The following FAIM variants were observed in gnomAD, a reference collection of about 807,000 sequenced individuals.
FAIM encodes Fas apoptotic inhibitory molecule.
A neutral mutation model predicts 21.2 loss-of-function variants in FAIM; 14 were observed. That is an observed-to-expected ratio of 0.66 (90% CI 0.44 to 1.03). The LOEUF (loss-of-function observed/expected upper bound fraction) is 1.03, where lower values mean the gene tolerates loss of function less well. Ranked by LOEUF, FAIM falls within the 50% of genes least tolerant of loss-of-function variation. The pLI, the probability that FAIM is intolerant of heterozygous loss-of-function variation, is 0.00. For synonymous variants in FAIM, 86 were observed against 80.4 expected (o/e 1.07, Z -0.37); for missense variants, 222 against 247.1 (o/e 0.90, Z 0.68).
chr3:138,630,363 G>A (rs1025726939), intron 5 of FAIM: 3 of 152,168 alleles, frequency 2.0e-5, no homozygotes, highest in African/African-American at 4.8e-5. Context: ...CAGGTCTGTA[G>A]TGGCTTCCTA....
chr3:138,630,022 C>T (rs1440210355), intron 5 of FAIM: 1 of 151,992 alleles, frequency 6.6e-6, no homozygotes, highest in Non-Finnish European at 1.5e-5. Flanking sequence ...GGTGGTAATC[C>T]CCATGTCTTA....
At chr3:138,618,815 G>T (rs1310631041) in intron 1 of FAIM, among the ~76,000 whole-genome samples, 1 of 152,170 alleles carries the variant, frequency 6.6e-6, no homozygotes, top group Non-Finnish European at 1.5e-5. Flanking sequence ...GCTAAACTAG[G>T]ATAGATCTTG....
At chr3:138,609,594 C>T (rs1577002295) in intron 1 of FAIM, among the ~76,000 whole-genome samples, 2 of 15,764 alleles carry the variant, frequency 1.3e-4, no homozygotes, top group Non-Finnish European at 2.4e-4. Context: ...TCTCTCTCGA[C>T]TCTCTCTCTC....
chr3:138,631,494 T>G (rs1181552780), intron 5 of FAIM, among the ~76,000 whole-genome samples: 2 of 152,198 alleles, frequency 1.3e-5, no homozygotes, highest in Non-Finnish European at 2.9e-5. Context: ...TTTGTAGTAA[T>G]TAACAGGAAA....
At position 138,626,050 on chromosome 3, in the gene FAIM, G is replaced by A. The variant is rs954675671; in HGVS notation, c.407-3057G>A. ...CACGCTGGAAGGAAATTCTCTTTCT[G>A]TTCTGAAAAGTTTCTCTTTGATAGC... On this transcript the variant is annotated intron_variant, in intron 4 of 5. Coordinates refer to ENST00000360570, the MANE Select transcript of FAIM (RefSeq NM_001033031.2). Among the ~76,000 whole-genome samples, 9 of 152,300 alleles carry A rather than the reference G, an allele frequency of 5.9e-5. No homozygotes were observed. The South Asian group carries it at 1.4e-3, about 25-fold the overall frequency.
chr3:138,626,214 G>C lies in FAIM; in HGVS notation c.407-2893G>C, dbSNP rs80264451. Among the ~76,000 whole-genome samples the C allele has an allele frequency of 3.5e-3, 531 of 152,244 alleles. 2 individuals carry two copies. The highest frequency in any genetic ancestry group is 0.012 in the African/African-American group (508 of 41,544). ...CAACTCCCATGAGTCACTAAATCCAGCACTGAGTCATAATAGATTTGAAAT... is the reference window on the plus strand; with the variant it reads ...CAACTCCCATGAGTCACTAAATCCACCACTGAGTCATAATAGATTTGAAAT... On this transcript the variant is annotated intron_variant, in intron 4 of 5. Coordinates refer to ENST00000360570, the MANE Select transcript of FAIM (RefSeq NM_001033031.2).
At chr3:138,610,876 G>T in intron 1 of FAIM, 3 of 1,218,698 alleles carry the variant, frequency 2.5e-6, no homozygotes, top group East Asian at 2.3e-5. Flanking sequence ...GAGCCATCGC[G>T]CCTGGCCACT....
chr3:138,624,429 AT>A (rs1268604178), intron 4 of FAIM, among the ~76,000 whole-genome samples: 1 of 152,160 alleles, frequency 6.6e-6, no homozygotes, highest in East Asian at 1.9e-4. Context: ...TTTAAAAAAT[AT>A]ATTTTTCTGC....
At chr3:138,629,699 A>G (rs76513567) in intron 5 of FAIM, 2,167 of 152,320 alleles carry the variant, frequency 0.014, 51 homozygotes, top group Middle Eastern at 0.048. Flanking sequence ...TGAGTGATAC[A>G]ATATCAGATG....
intron 1 of FAIM, among the ~76,000 whole-genome samples, chr3:138,614,876 G>A (rs1383798968): frequency 1.3e-5 from 2 of 152,106 alleles, no homozygotes; most frequent in African/African-American, 4.8e-5. Flanking sequence ...AGGAGGTTGA[G>A]GCTGCAGTGA....
At chr3:138,632,294 T>C (rs963164089) in intron 5 of FAIM, among the ~76,000 whole-genome samples, 14 of 151,972 alleles carry the variant, frequency 9.2e-5, no homozygotes, top group African/African-American at 2.9e-4. Context: ...AAAAAGTTAT[T>C]TTATACATTT....
chr3:138,619,765 T>C lies in FAIM; in HGVS notation c.39T>C (p.Asp13=). ...ATGACAGTCCTATCTTTGAAGATGA[T>C]GAAAGGTAAATGTCTTATATTGCAG... The part of the protein sequence containing the change: ...SGDDSPIFED[D]ESPPYSLEKM... Residue 13 remains aspartate (D), a synonymous_variant, in exon 2 of 6, where the codon GAT becomes GAC. Coordinates refer to ENST00000360570, the MANE Select transcript of FAIM (RefSeq NM_001033031.2). 6.2e-7 allele frequency: 1 copy of C among 1,613,532 alleles called. No homozygotes were observed. Among genetic ancestry groups the C allele is most frequent in the Non-Finnish European group, 8.5e-7 (1 of 1,179,672 alleles).
intron 3 of FAIM, 22 bp from the exon 4 acceptor site, chr3:138,622,166 A>C: frequency 6.5e-7 from 1 of 1,538,662 alleles, no homozygotes; most frequent in Non-Finnish European, 8.8e-7. Flanking sequence ...TTTGTTTCAT[A>C]TTTTTCTGTT....
intron 3 of FAIM, 82 bp from the exon 4 acceptor site, chr3:138,622,106 C>A: frequency 8.6e-7 from 1 of 1,156,648 alleles, no homozygotes; most frequent in Non-Finnish European, 1.2e-6. Context: ...ATGGCATTGC[C>A]TTTGTTCACT....
intron 1 of FAIM, among the ~76,000 whole-genome samples, chr3:138,616,480 G>A (rs542796248): frequency 9.2e-5 from 14 of 152,014 alleles, no homozygotes; most frequent in Non-Finnish European, 1.5e-4. Context: ...CCCTAGAATC[G>A]AGCGATCCTC....
rs753606223 is a variant in FAIM, at chr3:138,617,734, CGT to C, written c.-16-1968_-16-1967del. On this transcript the variant is annotated intron_variant, in intron 1 of 5. Coordinates refer to ENST00000360570, the MANE Select transcript of FAIM (RefSeq NM_001033031.2). ...TACATATAATTACATTGTGTATATACGTGTGTGTGTATATATATATGTATGTA... is the reference window on the plus strand; with the variant it reads ...TACATATAATTACATTGTGTATATACGTGTGTGTATATATATATGTATGTA... Among the ~76,000 whole-genome samples the C allele has an allele frequency of 4.2e-5, 6 of 141,372 alleles. No individual in the cohort carries two copies. The East Asian group carries it at 6.1e-4, about 14-fold the overall frequency. 92.7% of individuals were successfully genotyped at this position (141,372 alleles called of 152,430 possible). A position where few individuals can be genotyped will look rare whatever the true frequency, so the allele number is the denominator to read the frequency against.
chr3:138,609,479 C>A (rs971797720), intron 1 of FAIM, among the ~76,000 whole-genome samples: 1 of 149,128 alleles, frequency 6.7e-6, no homozygotes, highest in African/African-American at 2.5e-5. Flanking sequence ...ATGGTTTTTC[C>A]TTGTAACATG....
chr3:138,629,633 T>C (rs1469089858), intron 5 of FAIM: 2 of 152,890 alleles, frequency 1.3e-5, no homozygotes, highest in African/African-American at 4.8e-5. Flanking sequence ...TAGGAATGCT[T>C]TACACCATAC....
Position 138,621,445 on chromosome 3 carries a change from C to T in FAIM, c.83C>T (p.Ala28Val). The change falls in exon 3 of 6, where the codon GCT becomes GTT. Residue 28 changes from alanine (A) to valine (V), a missense_variant. By Grantham distance (64) the Ala-to-Val change is moderately conservative. Transcript: ENST00000360570. ...YSLEKMTDLV[A>V]VWDVALSDGV... ...CTAGAAAAAATGACAGATCTCGTAG[C>T]TGTTTGGGATGTTGCTTTAAGTGAC... The T allele has an allele frequency of 6.2e-7, 1 of 1,613,804 alleles. No homozygotes were observed. The highest frequency in any genetic ancestry group is 2.2e-5 in the East Asian group (1 of 44,844).
Sources: gnomAD v4.1 joint callset for allele counts (sites outside exome capture counted in the v4.1 genomes callset) on GRCh38, gnomAD v4.1.1 for gene constraint, MANE v1.5 for transcripts, NCBI Gene and HGNC (gene_info 2026-07-23, HGNC 2026-07-21) for gene names.